DLGAP1: variants seen among roughly 807,000 people sequenced by gnomAD.
DLGAP1 encodes DLG associated protein 1, also known as disks large-associated protein 1.
DLGAP1 carries 11 observed loss-of-function variants against 90.8 expected under a neutral mutation model. That is an observed-to-expected ratio of 0.12 (90% CI 0.08 to 0.20). The LOEUF is 0.20. DLGAP1 is among the 10% of genes least tolerant of loss of function. The pLI, the probability that DLGAP1 is intolerant of heterozygous loss-of-function variation, is 1.00. For missense variants in DLGAP1, 1,050 were observed against 1,333.8 expected (o/e 0.79, Z 3.31); for synonymous variants, 558 against 540.7 (o/e 1.03, Z -0.44).
intron 3 of DLGAP1, among the ~76,000 whole-genome samples, chr18:4,000,275 C>T (rs1362777157): frequency 6.6e-6 from 1 of 151,896 alleles, no homozygotes; most frequent in African/African-American, 2.4e-5. Context: ...AGCTAATAAC[C>T]CCTTCTTCAC....
chr18:4,431,257 T>A (rs1224151982), intron 1 of DLGAP1: 1 of 152,262 alleles, frequency 6.6e-6, no homozygotes, highest in Non-Finnish European at 1.5e-5. Flanking sequence ...CATGATACTG[T>A]GGTGTCATTT....
At chr18:3,776,088 G>A (rs2064926658) in intron 5 of DLGAP1, among the ~76,000 whole-genome samples, 1 of 152,130 alleles carries the variant, frequency 6.6e-6, no homozygotes, top group Non-Finnish European at 1.5e-5. Flanking sequence ...GCAGAGAAAT[G>A]ACCAGTGAGC....
intron 1 of DLGAP1, among the ~76,000 whole-genome samples, chr18:4,393,638 T>G (rs1488237676): frequency 2.0e-5 from 3 of 152,210 alleles, no homozygotes; most frequent in Non-Finnish European, 2.9e-5. Context: ...TGCTTTTGTC[T>G]CTCCTGCTGG....
At chr18:4,136,554 A>G (rs12968632) in intron 2 of DLGAP1, among the ~76,000 whole-genome samples, 14,728 of 152,200 alleles carry the variant, frequency 0.097, 896 homozygotes, top group East Asian at 0.19. Context: ...AGAAGTGTCT[A>G]TTCAGATATT....
At chr18:4,136,166 T>C (rs978913510) in intron 2 of DLGAP1, among the ~76,000 whole-genome samples, 2 of 152,280 alleles carry the variant, frequency 1.3e-5, no homozygotes, top group African/African-American at 4.8e-5. Flanking sequence ...TTAGGTAGAT[T>C]CCAAATCTTG....
chr18:4,037,316 G>T (rs2074904640), intron 2 of DLGAP1, among the ~76,000 whole-genome samples: 1 of 152,054 alleles, frequency 6.6e-6, no homozygotes, highest in African/African-American at 2.4e-5. Flanking sequence ...AAGAAAAATG[G>T]CCAGTTTATG....
At chr18:3,766,815 C>T (rs2147967225) in intron 5 of DLGAP1, among the ~76,000 whole-genome samples, 1 of 152,128 alleles carries the variant, frequency 6.6e-6, no homozygotes, top group East Asian at 1.9e-4. Flanking sequence ...TGAGACACAG[C>T]TAAATCAGTG....
chr18:3,610,752 T>A (rs1029147433), intron 7 of DLGAP1, among the ~76,000 whole-genome samples: 1 of 151,894 alleles, frequency 6.6e-6, no homozygotes, highest in South Asian at 2.1e-4. Context: ...GGCAGGAGAA[T>A]CACTTGAACC....
At chr18:4,106,288 T>C (rs2075866109) in intron 2 of DLGAP1, among the ~76,000 whole-genome samples, 1 of 152,004 alleles carries the variant, frequency 6.6e-6, no homozygotes, top group Non-Finnish European at 1.5e-5. Context: ...TCCTGAGACC[T>C]CCAAGGGAAA....
intron 3 of DLGAP1, among the ~76,000 whole-genome samples, chr18:3,898,611 A>G (rs1221698064): frequency 1.3e-5 from 2 of 152,192 alleles, no homozygotes; most frequent in Non-Finnish European, 2.9e-5. Context: ...TGCATACAGC[A>G]CAGCTGGGGA....
Position 3,991,728 on chromosome 18 carries a change from C to T in DLGAP1, c.-73+13388G>A, listed in dbSNP as rs759368477. ...CTGCTTTAATATGTTAATATCTCAC[C>T]CACTCTCCAGACCAGGAATCTCATA... On this transcript the variant is annotated intron_variant, in intron 3 of 12. Transcript: ENST00000315677. Among the ~76,000 whole-genome samples, 21 of 152,292 alleles carry T rather than the reference C, an allele frequency of 1.4e-4. No homozygotes were observed. In the South Asian group the frequency reaches 2.1e-3, roughly 15 times the overall value.
At chr18:3,975,627 T>A (rs919471347) in intron 3 of DLGAP1, among the ~76,000 whole-genome samples, 27 of 152,182 alleles carry the variant, frequency 1.8e-4, no homozygotes, top group African/African-American at 5.3e-4. Flanking sequence ...GGTACACCCA[T>A]GCTCATGGCA....
intron 1 of DLGAP1, among the ~76,000 whole-genome samples, chr18:4,374,926 G>C (rs1182181542): frequency 6.6e-6 from 1 of 151,712 alleles, no homozygotes; most frequent in East Asian, 1.9e-4. Flanking sequence ...AAAGGAAATG[G>C]ACAAATTTTA....
intron 2 of DLGAP1, among the ~76,000 whole-genome samples, chr18:4,146,530 T>C (rs2076588083): frequency 6.6e-6 from 1 of 152,214 alleles, no homozygotes. Context: ...CAGGGGTTAT[T>C]TGTCCTAAAC....
At chr18:3,509,277 C>T (rs1264377112) in intron 10 of DLGAP1, among the ~76,000 whole-genome samples, 1 of 152,114 alleles carries the variant, frequency 6.6e-6, no homozygotes, top group Non-Finnish European at 1.5e-5. Flanking sequence ...GCCTAGAAAA[C>T]GCCAGGGCCG....
chr18:4,405,105 G>GA (rs2082635750), intron 1 of DLGAP1, among the ~76,000 whole-genome samples: 2 of 152,196 alleles, frequency 1.3e-5, no homozygotes, highest in African/African-American at 4.8e-5. Flanking sequence ...ATTCATAAGT[G>GA]AGGTTTCAGC....
chr18:4,204,854 T>C (rs1235045431), intron 1 of DLGAP1, among the ~76,000 whole-genome samples: 2 of 150,180 alleles, frequency 1.3e-5, no homozygotes, highest in African/African-American at 2.5e-5. Context: ...TCAGTGGTGG[T>C]AACTGAGGTG....
chr18:3,797,898 T>C (rs1014806639), intron 5 of DLGAP1, among the ~76,000 whole-genome samples: 3 of 152,194 alleles, frequency 2.0e-5, no homozygotes, highest in African/African-American at 7.2e-5. Flanking sequence ...AATTGAATCA[T>C]GAGGGCAGGT....
intron 2 of DLGAP1, among the ~76,000 whole-genome samples, chr18:4,016,078 A>C (rs2074518973): frequency 2.0e-5 from 3 of 152,246 alleles, no homozygotes; most frequent in Non-Finnish European, 4.4e-5. Context: ...AGCAGATTTA[A>C]GTATCTAACT....
Sources: allele counts gnomAD v4.1 joint callset (sites outside exome capture counted in the v4.1 genomes callset), GRCh38; gene constraint gnomAD v4.1.1; transcripts MANE v1.5; gene names NCBI Gene and HGNC (gene_info 2026-07-23, HGNC 2026-07-21).